UTRN: variants seen among roughly 807,000 people sequenced by gnomAD.
The protein encoded by UTRN is dystrophin-related protein 1.
A neutral mutation model predicts 463.9 loss-of-function variants in UTRN; 283 were observed. That is an observed-to-expected ratio of 0.61 (90% CI 0.55 to 0.67). UTRN has a LOEUF of 0.67. Among genes scored for constraint, UTRN ranks in the 30% least tolerant of loss-of-function variants. The probability of loss-of-function intolerance (pLI) is 0.00; values close to 1 mark genes in which losing one functional copy is unlikely to be tolerated. For missense variants in UTRN, 3,922 were observed against 4,084.3 expected (o/e 0.96, Z 1.08); for synonymous variants, 1,442 against 1,431.5 (o/e 1.01, Z -0.17).
intron 66 of UTRN, among the ~76,000 whole-genome samples, chr6:144,826,367 G>C (rs1780186334): frequency 6.6e-6 from 1 of 151,982 alleles, no homozygotes; most frequent in Non-Finnish European, 1.5e-5. Flanking sequence ...AGAAATAGGA[G>C]AATCAAGGAG....
chr6:144,507,309 T>C lies in UTRN; in HGVS notation c.4765-3635T>C, dbSNP rs914529452. On this transcript the variant is annotated intron_variant, in intron 34 of 74. Coordinates refer to ENST00000367545, the MANE Select transcript of UTRN (RefSeq NM_007124.3). ...TCTCCATCCGGTTTTGTTCCCTTGC[T>C]AGCAAGGAGTTCTGATTCTTTGGAG... Among the ~76,000 whole-genome samples, 7 of 152,228 alleles carry C rather than the reference T, an allele frequency of 4.6e-5. No individual in the cohort carries two copies. The South Asian group carries it at 6.2e-4, about 14-fold the overall frequency.
intron 50 of UTRN, among the ~76,000 whole-genome samples, chr6:144,562,606 G>A (rs1800039150): frequency 6.6e-6 from 1 of 152,110 alleles, no homozygotes. Flanking sequence ...GTCCATCATT[G>A]ATAGGTATTT....
At chr6:144,442,091 G>T (rs928657969) in intron 13 of UTRN, among the ~76,000 whole-genome samples, 1 of 152,128 alleles carries the variant, frequency 6.6e-6, no homozygotes, top group Non-Finnish European at 1.5e-5. Context: ...GATGTTTTCC[G>T]CATTGTCTTG....
intron 65 of UTRN, among the ~76,000 whole-genome samples, chr6:144,808,709 T>G (rs553808915): frequency 6.6e-6 from 1 of 151,988 alleles, no homozygotes; most frequent in East Asian, 1.9e-4. Context: ...CATTCTACTC[T>G]GTGCTACTAT....
At chr6:144,336,285 C>T (rs910997850) in intron 2 of UTRN, among the ~76,000 whole-genome samples, 2 of 152,216 alleles carry the variant, frequency 1.3e-5, no homozygotes, top group South Asian at 2.1e-4. Context: ...GACATCGCCA[C>T]GGGCAAGCTG....
At chr6:144,288,373 T>A (rs601873) in intron 1 of UTRN, among the ~76,000 whole-genome samples, 77,939 of 152,006 alleles carry the variant, frequency 0.51, 21,715 homozygotes, top group African/African-American at 0.74. Flanking sequence ...TATGGGTGAA[T>A]AAAGGCTTTG....
chr6:144,354,868 A>G (rs965749222), intron 2 of UTRN, among the ~76,000 whole-genome samples: 1 of 152,116 alleles, frequency 6.6e-6, no homozygotes, highest in South Asian at 2.1e-4. Flanking sequence ...AACGAGGTCT[A>G]TCTCTGCACG....
chr6:144,606,002 A>G (rs1443272468), intron 51 of UTRN, among the ~76,000 whole-genome samples: 1 of 152,076 alleles, frequency 6.6e-6, no homozygotes, highest in East Asian at 1.9e-4. Context: ...TTAATATAGT[A>G]TATGTTTTGT....
chr6:144,847,042 C>A lies in UTRN; in HGVS notation c.10293+215C>A, dbSNP rs118013002. ...ATACCAAAAATACCATGTGTTTGATCCTTTGTGTTCTAACAGCTTTTTAAT... is the reference window on the plus strand; with the variant it reads ...ATACCAAAAATACCATGTGTTTGATACTTTGTGTTCTAACAGCTTTTTAAT... On this transcript the variant is annotated intron_variant, in intron 74 of 74. Coordinates refer to ENST00000367545, the MANE Select transcript of UTRN (RefSeq NM_007124.3). Among the ~76,000 whole-genome samples the A allele has an allele frequency of 5.6e-4, 85 of 152,256 alleles. 2 individuals are homozygous for A. The East Asian group carries it at 0.016, about 28-fold the overall frequency.
chr6:144,442,336 C>A (rs1787261073), intron 13 of UTRN, among the ~76,000 whole-genome samples: 1 of 152,146 alleles, frequency 6.6e-6, no homozygotes, highest in Non-Finnish European at 1.5e-5. Flanking sequence ...CCACATTTTT[C>A]TGTCTTCTTC....
chr6:144,593,818 G>T (rs1458771981), intron 51 of UTRN, among the ~76,000 whole-genome samples: 1 of 152,166 alleles, frequency 6.6e-6, no homozygotes, highest in South Asian at 2.1e-4. Flanking sequence ...ATGTATGCCA[G>T]ATCTTTTTGA....
intron 2 of UTRN, among the ~76,000 whole-genome samples, chr6:144,358,397 G>C (rs1225797775): frequency 1.3e-5 from 2 of 152,182 alleles, no homozygotes; most frequent in Admixed American, 6.5e-5. Flanking sequence ...ATTGAAATTT[G>C]ATTCTTTTTG....
At chr6:144,823,997 T>C (rs1779815379) in intron 66 of UTRN, among the ~76,000 whole-genome samples, 1 of 152,164 alleles carries the variant, frequency 6.6e-6, no homozygotes, top group African/African-American at 2.4e-5. Flanking sequence ...ACAGCCAAGT[T>C]GAGACCTGAA....
chr6:144,633,615 C>G (rs1286667215), intron 51 of UTRN, among the ~76,000 whole-genome samples: 1 of 152,156 alleles, frequency 6.6e-6, no homozygotes, highest in African/African-American at 2.4e-5. Flanking sequence ...AGTACATTAT[C>G]TCAGTGAACA....
At chr6:144,412,722 G>T (rs192422250) in intron 3 of UTRN, among the ~76,000 whole-genome samples, 2,034 of 119,592 alleles carry the variant, frequency 0.017, 54 homozygotes, top group African/African-American at 0.078. Flanking sequence ...ATATATGTTT[G>T]TGTGTGTGTG....
intron 43 of UTRN, among the ~76,000 whole-genome samples, chr6:144,536,642 T>A (rs940130753): frequency 3.3e-5 from 5 of 152,094 alleles, no homozygotes; most frequent in African/African-American, 1.2e-4. Flanking sequence ...TGAAAACTCC[T>A]AGCTGCAAAA....
chr6:144,497,945 A>G (rs1448754069), intron 33 of UTRN, among the ~76,000 whole-genome samples: 2 of 152,250 alleles, frequency 1.3e-5, no homozygotes, highest in African/African-American at 4.8e-5. Flanking sequence ...TAAGAATTAC[A>G]TCATTTAGTA....
intron 48 of UTRN, among the ~76,000 whole-genome samples, chr6:144,553,353 T>C (rs1005971065): frequency 6.6e-6 from 1 of 152,176 alleles, no homozygotes; most frequent in Admixed American, 6.5e-5. Context: ...ATAGCTTTTA[T>C]GTTTCACTAT....
At chr6:144,319,678 C>T (rs1775507539) in intron 2 of UTRN, among the ~76,000 whole-genome samples, 1 of 152,122 alleles carries the variant, frequency 6.6e-6, no homozygotes, top group Admixed American at 6.6e-5. Context: ...AATGATCCTC[C>T]CATCTCAACC....
Sources: gnomAD v4.1 joint callset for allele counts (sites outside exome capture counted in the v4.1 genomes callset) on GRCh38, gnomAD v4.1.1 for gene constraint, MANE v1.5 for transcripts, NCBI Gene and HGNC (gene_info 2026-07-23, HGNC 2026-07-21) for gene names.